TJP1: variants seen among roughly 807,000 people sequenced by gnomAD.
TJP1 encodes the protein tight junction protein ZO-1.
A neutral mutation model predicts 194.2 loss-of-function variants in TJP1; 43 were observed. The observed-to-expected ratio is 0.22, with a 90% CI of 0.17 to 0.29. The LOEUF is 0.29. TJP1 is among the 10% of genes least tolerant of loss of function. The pLI is 1.00. For synonymous variants in TJP1, 801 were observed against 779.0 expected (o/e 1.03, Z -0.47); for missense variants, 1,971 against 2,185.7 (o/e 0.90, Z 1.96).
Position 29,719,817 on chromosome 15 carries a change from T to C in TJP1, c.2963A>G (p.Asp988Gly). 1 of 1,614,142 alleles carries C rather than the reference T, an allele frequency of 6.2e-7. No individual in the cohort carries two copies. The highest frequency in any genetic ancestry group is 8.5e-7 in the Non-Finnish European group (1 of 1,180,014). Residue 988 changes from aspartate (D) to glycine (G), a missense_variant, in exon 20 of 28, where the codon GAT becomes GGT. By Grantham distance (94) the Asp-to-Gly change is moderately conservative. Transcript: ENST00000614355. ...STEAAHIMLR[D>G]QEPSLSSHVD... The stretch of plus-strand genomic sequence containing the variant: ...ATGCGACGACAATGATGGTTCTTGA[T>C]CTCTTAGCATTATGTGAGCTGCCTC...
chr15:29,715,779 C>T (rs1488898155), intron 23 of TJP1, among the ~76,000 whole-genome samples: 1 of 152,184 alleles, frequency 6.6e-6, no homozygotes, highest in Non-Finnish European at 1.5e-5. Context: ...TCCCCAGTAG[C>T]TCAAAATCTT....
chr15:29,877,792 G>C (rs1596164722), intron 2 of TJP1, among the ~76,000 whole-genome samples: 1 of 151,612 alleles, frequency 6.6e-6, no homozygotes, highest in East Asian at 2.0e-4. Context: ...CCGAGTAGCT[G>C]GGATTACTGG....
chr15:29,714,830 T>C (rs2042464127), intron 23 of TJP1, among the ~76,000 whole-genome samples: 1 of 152,182 alleles, frequency 6.6e-6, no homozygotes, highest in Admixed American at 6.6e-5. Flanking sequence ...CACGAGCCAC[T>C]GCGCCTGGCC....
At chr15:29,856,566 G>C (rs1022670108) in intron 2 of TJP1, among the ~76,000 whole-genome samples, 1 of 152,106 alleles carries the variant, frequency 6.6e-6, no homozygotes, top group African/African-American at 2.4e-5. Context: ...TTCAGATGGA[G>C]TAAAGATTTA....
At chr15:29,883,183 G>C (rs2052998264) in intron 2 of TJP1, among the ~76,000 whole-genome samples, 1 of 152,128 alleles carries the variant, frequency 6.6e-6, no homozygotes, top group South Asian at 2.1e-4. Flanking sequence ...TCCAACTATT[G>C]TCAAAGAAGG....
rs542095331 is a variant in TJP1, at chr15:29,766,667, CA to C, written c.313-126del. The C allele has an allele frequency of 4.7e-4, 411 of 868,564 alleles. 3 individuals are homozygous for C. Among genetic ancestry groups the C allele is most frequent in the Non-Finnish European group, 1.2e-4 (72 of 618,276 alleles). 53.8% of individuals were successfully genotyped at this position (868,564 alleles called of 1,614,324 possible). A position where few individuals can be genotyped will look rare whatever the true frequency, so the allele number is the denominator to read the frequency against. On this transcript the variant is annotated intron_variant, in intron 4 of 27. Coordinates refer to ENST00000614355, the MANE Select transcript of TJP1 (RefSeq NM_001330239.4). ...CTATGAACCAGCAAGAAACAATACA[CA>C]AACAACTACAACAAATTTCTAAGGA... is the stretch of plus-strand genomic sequence containing the variant.
At chr15:29,745,421 A>G (rs1472336752) in intron 8 of TJP1, among the ~76,000 whole-genome samples, 2 of 152,182 alleles carry the variant, frequency 1.3e-5, no homozygotes, top group Non-Finnish European at 2.9e-5. Flanking sequence ...ATGGAAATGA[A>G]AGGGAAAAAA....
At chr15:29,845,397 C>CGAAA (rs2152073082) in intron 2 of TJP1, among the ~76,000 whole-genome samples, 2 of 152,144 alleles carry the variant, frequency 1.3e-5, no homozygotes, top group South Asian at 4.2e-4. Context: ...AAAGGAAATA[C>CGAAA]GAAACCTCCC....
At chr15:29,725,022 G>GA (rs1307336504) in intron 18 of TJP1, among the ~76,000 whole-genome samples, 2 of 152,330 alleles carry the variant, frequency 1.3e-5, no homozygotes, top group East Asian at 3.9e-4. Flanking sequence ...ATTCACTAGT[G>GA]AAAGCTATTA....
Position 29,742,698 on chromosome 15 carries a change from T to C in TJP1, c.1094A>G (p.Lys365Arg), listed in dbSNP as rs1490656174. ...TTCAACTGTAACTTCTTCCACTGTT[T>C]TAGGTGTGTGATCATCAGCATGCTT... is the stretch of plus-strand genomic sequence containing the variant. ...PVKHADDHTP[K>R]TVEEVTVERN... Residue 365 changes from lysine to arginine, a missense_variant, in exon 9 of 28, where the codon AAA becomes AGA. Lys to Arg is a conservative substitution (Grantham distance 26, BLOSUM62 2). Transcript: ENST00000614355. 2 of 1,603,740 alleles carry C rather than the reference T, an allele frequency of 1.2e-6. No homozygotes were observed. Among genetic ancestry groups the C allele is most frequent in the Admixed American group, 1.7e-5 (1 of 58,186 alleles).
chr15:29,935,953 G>A (rs1227771004), intron 2 of TJP1, among the ~76,000 whole-genome samples: 1 of 151,996 alleles, frequency 6.6e-6, no homozygotes, highest in African/African-American at 2.4e-5. Context: ...CCTAGCCAGG[G>A]TTCCCTCTCC....
intron 2 of TJP1, among the ~76,000 whole-genome samples, chr15:29,929,674 G>T (rs534358794): frequency 6.6e-6 from 1 of 152,156 alleles, no homozygotes; most frequent in Admixed American, 6.5e-5. Context: ...TCCAGCCTGG[G>T]TGACAGGGCG....
At chr15:29,755,470 T>C (rs370030762) in intron 8 of TJP1, among the ~76,000 whole-genome samples, 154 of 152,316 alleles carry the variant, frequency 1.0e-3, no homozygotes, top group African/African-American at 3.6e-3. Context: ...GGCTAAAAAT[T>C]TCTGATTCAG....
rs539531199 is a variant in TJP1 at position 29,705,387 on chromosome 15, C to T, written c.5068+141G>A. 38 of 828,684 alleles carry T rather than the reference C, an allele frequency of 4.6e-5. No homozygotes were observed. In the East Asian group the frequency reaches 5.3e-4, roughly 12 times the overall value. 51.3% of individuals were successfully genotyped at this position (828,684 alleles called of 1,614,324 possible). A position where few individuals can be genotyped will look rare whatever the true frequency, so the allele number is the denominator to read the frequency against. On this transcript the variant is annotated intron_variant, in intron 26 of 27. Transcript: ENST00000614355. ...GCCACCCACTGCTTGCTTGCAACAC[C>T]GTCCCCAGGGCACCCCTCGCTACAG...
At chr15:29,890,512 T>C (rs1215235410) in intron 2 of TJP1, among the ~76,000 whole-genome samples, 1 of 152,094 alleles carries the variant, frequency 6.6e-6, no homozygotes, top group Non-Finnish European at 1.5e-5. Context: ...AGGGAAAAAA[T>C]GGACAGCTGT....
upstream of TJP1, chr15:29,823,367 T>G (rs145540583): frequency 1.3e-5 from 2 of 152,244 alleles, no homozygotes; most frequent in East Asian, 1.9e-4. Context: ...CCAAGGAACA[T>G]GGTAAGAAAC....
chr15:29,949,722 CCGCCAT>C (rs2055559760), intron 2 of TJP1, among the ~76,000 whole-genome samples: 2 of 121,002 alleles, frequency 1.7e-5, no homozygotes, highest in Non-Finnish European at 3.5e-5. Context: ...ATCACCTCCA[CCGCCAT>C]CACCTCCACC....
chr15:29,753,838 A>C (rs2045467101), intron 8 of TJP1, among the ~76,000 whole-genome samples: 1 of 151,914 alleles, frequency 6.6e-6, no homozygotes, highest in African/African-American at 2.4e-5. Context: ...AAAAAAAAAA[A>C]CAAAGGTAAA....
Position 29,718,544 on chromosome 15 carries a change from C to G in TJP1, c.3598G>C (p.Glu1200Gln). Reference protein sequence around the residue: ...QYFEQYSRSYEQVPPQGFTSR... With the variant: ...QYFEQYSRSYQQVPPQGFTSR... The stretch of plus-strand genomic sequence containing the variant: ...GTAAATCCTTGGGGTGGTACTTGCT[C>G]GTAACTGCGTGAATATTGCTCAAAA... Residue 1200 changes from glutamate (E) to glutamine (Q), a missense_variant, in exon 21 of 28, where the codon GAG (glutamate) becomes CAG (glutamine). Around this residue, in one of 5 missense-constraint regions of TJP1, gnomAD observed 1,108 missense variants for 1,128.5 expected, o/e 0.98. Transcript: ENST00000614355. 6.2e-7 allele frequency: 1 copy of G among 1,614,104 alleles called. No individual in the cohort carries two copies. Among genetic ancestry groups the G allele is most frequent in the Non-Finnish European group, 8.5e-7 (1 of 1,180,024 alleles).
Sources: allele counts gnomAD v4.1 joint callset (sites outside exome capture counted in the v4.1 genomes callset), GRCh38; gene constraint gnomAD v4.1.1; regional missense constraint gnomAD v4.1.1; transcripts MANE v1.5; gene names NCBI Gene and HGNC (gene_info 2026-07-23, HGNC 2026-07-21).